Variants in KDM3A observed in about 807,000 individuals in gnomAD.
KDM3A encodes lysine-specific demethylase 3A.
A neutral mutation model predicts 158.0 loss-of-function variants in KDM3A; 60 were observed. The observed-to-expected ratio is 0.38, with a 90% CI of 0.31 to 0.47. KDM3A has a LOEUF of 0.47. KDM3A is among the 20% of genes least tolerant of loss of function. The pLI is 0.99. For missense variants in KDM3A, 1,319 were observed against 1,574.3 expected, an observed-to-expected ratio of 0.84 and a Z score of 2.74; for synonymous variants, 608 against 549.3, an observed-to-expected ratio of 1.11 and a Z score of -1.49.
chr2:86,472,064 A>G (rs546673249), intron 11 of KDM3A, among the ~76,000 whole-genome samples: 7 of 152,248 alleles, frequency 4.6e-5, no homozygotes, highest in African/African-American at 1.7e-4. Flanking sequence ...TATGAAAAAT[A>G]TAACTAGATT....
chr2:86,438,088 A>G (rs1352134069), upstream of KDM3A, among the ~76,000 whole-genome samples: 1 of 152,138 alleles, frequency 6.6e-6, no homozygotes, highest in Non-Finnish European at 1.5e-5. Context: ...TTTCACAATT[A>G]AGTACAATGT....
At chr2:86,452,173 TATTTAGTGCTGC>T (rs1672498930) in intron 4 of KDM3A, among the ~76,000 whole-genome samples, 1 of 150,824 alleles carries the variant, frequency 6.6e-6, no homozygotes, top group African/African-American at 2.4e-5. Flanking sequence ...TTTTGCAGTC[TATTTAGTGCTGC>T]ATTTTTGTGC....
At position 86,482,494 on chromosome 2, in the gene KDM3A, G is replaced by A. The variant is rs1673980929; in HGVS notation, c.2722G>A (p.Asp908Asn). ...ACTCAAGAATACACCAAAAATCCTT[G>A]ATGACATCTTTGCCTCTTTGGTGCA... ...NGLKNTPKIL[D>N]DIFASLVQNK... Residue 908 changes from aspartate to asparagine, a missense_variant, in exon 18 of 26, where the codon GAT (aspartate) becomes AAT (asparagine). By Grantham distance (23) the Asp-to-Asn change is conservative. Around this residue, in one of 4 missense-constraint regions of KDM3A, gnomAD observed 368 missense variants for 415.8 expected, o/e 0.89. Transcript: ENST00000312912. 3 of 1,614,100 alleles carry A rather than the reference G, an allele frequency of 1.9e-6. No homozygotes were observed. The highest frequency in any genetic ancestry group is 2.5e-6 in the Non-Finnish European group (3 of 1,180,006).
chr2:86,446,808 G>T (rs1008955158), intron 2 of KDM3A, among the ~76,000 whole-genome samples: 5 of 152,194 alleles, frequency 3.3e-5, no homozygotes, highest in Non-Finnish European at 5.9e-5. Context: ...AGGCACAAAT[G>T]AAAGATGCTT....
intron 10 of KDM3A, 52 bp downstream of exon 10, chr2:86,466,935 A>G: frequency 7.4e-7 from 1 of 1,356,444 alleles, no homozygotes; most frequent in Non-Finnish European, 1.0e-6. Context: ...TGGTAGATAT[A>G]TATATCTCTT....
At chr2:86,460,308 C>T (rs1043992110) in intron 8 of KDM3A, among the ~76,000 whole-genome samples, 4 of 152,064 alleles carry the variant, frequency 2.6e-5, no homozygotes, top group African/African-American at 4.8e-5. Context: ...TATTCCATAT[C>T]GGTAAATGTC....
At position 86,457,233 on chromosome 2, in the gene KDM3A, G is replaced by A. The variant is rs538997635; in HGVS notation, c.843+162G>A. Among the ~76,000 whole-genome samples the A allele has an allele frequency of 4.6e-5, 7 of 152,198 alleles. No individual in the cohort carries two copies. In the East Asian group the frequency reaches 1.4e-3, roughly 29 times the overall value. ...TGCAGTGGTGCAACCAGAGCTTACTGCAGCCTTGAACTCCTGCCTCCATAG... is the reference window on the plus strand; with the variant it reads ...TGCAGTGGTGCAACCAGAGCTTACTACAGCCTTGAACTCCTGCCTCCATAG... On this transcript the variant is annotated intron_variant, in intron 8 of 25. Transcript: ENST00000312912.
In KDM3A at chr2:86,449,980, T is replaced by C. The variant is rs768124454; in HGVS notation, c.342+18T>C. Reference sequence around the variant, plus strand: ...CTGCAATAGTGAGTAAAACTTGGGCTTATTGAACTCCTGAGAAGAGGGCAT... The same window carrying C: ...CTGCAATAGTGAGTAAAACTTGGGCCTATTGAACTCCTGAGAAGAGGGCAT... On this transcript the variant is annotated intron_variant, in intron 3 of 25. Coordinates refer to ENST00000312912, the MANE Select transcript of KDM3A (RefSeq NM_018433.6). The C allele has an allele frequency of 1.2e-6, 2 of 1,601,396 alleles. No individual in the cohort carries two copies. The highest frequency in any genetic ancestry group is 2.2e-5 in the East Asian group (1 of 44,536).
chr2:86,487,212 C>G (rs1674222029), intron 21 of KDM3A: 1 of 152,212 alleles, frequency 6.6e-6, no homozygotes, highest in South Asian at 2.1e-4. Context: ...CGTGGTTTAA[C>G]TAGCTTGGCA....
intron 2 of KDM3A, among the ~76,000 whole-genome samples, chr2:86,444,648 TG>T (rs1342573007): frequency 1.6e-5 from 1 of 64,346 alleles, no homozygotes; most frequent in Admixed American, 2.1e-4. Context: ...ATTAAGTTTT[TG>T]GGGGGTGAGA....
Position 86,485,715 on chromosome 2 carries a change from T to A in KDM3A, c.3183-14T>A, listed in dbSNP as rs2104707585. On this transcript the variant is annotated splice_polypyrimidine_tract_variant and intron_variant, in intron 20 of 25. Transcript: ENST00000312912. ...GCAATCTAACTTTGCAAATTCCTGG[T>A]TCTGTTGTTCTAGGTTTGATGATCT... 6.2e-7 allele frequency: 1 copy of A among 1,611,202 alleles called. No individual in the cohort carries two copies. The highest frequency in any genetic ancestry group is 1.1e-5 in the South Asian group (1 of 91,012).
chr2:86,482,874 A>C (rs2104702070), intron 18 of KDM3A, 180 bp downstream of exon 18: 1 of 631,824 alleles, frequency 1.6e-6, no homozygotes, highest in South Asian at 2.0e-5. Flanking sequence ...TTTAAAGCAG[A>C]TGGTCCTAAG....
chr2:86,447,472 C>A (rs1300119771), intron 2 of KDM3A, among the ~76,000 whole-genome samples: 1 of 133,206 alleles, frequency 7.5e-6, no homozygotes, highest in Non-Finnish European at 1.5e-5. Context: ...TTTTTTTTTG[C>A]TGAATAGATA....
At chr2:86,481,557 CTCTT>C (rs1195179446) in intron 16 of KDM3A, among the ~76,000 whole-genome samples, 10 of 151,380 alleles carry the variant, frequency 6.6e-5, no homozygotes, top group Admixed American at 6.6e-4. Flanking sequence ...TCTGTTTTCA[CTCTT>C]TATTAAGCAT....
At chr2:86,467,512 T>TA (rs1673205181) in intron 10 of KDM3A, 1 of 152,204 alleles carries the variant, frequency 6.6e-6, no homozygotes, top group African/African-American at 2.4e-5. Context: ...ACCCACAATT[T>TA]AAAACTACTC....
At chr2:86,484,833 C>T in intron 19 of KDM3A, 109 bp from the exon 20 acceptor site, 2 of 588,744 alleles carry the variant, frequency 3.4e-6, no homozygotes, top group Non-Finnish European at 6.0e-6. Flanking sequence ...GAAAATTTTG[C>T]AGAGACATAT....
chr2:86,478,779 A>G, intron 15 of KDM3A, 44 bp downstream of exon 15: 1 of 1,588,856 alleles, frequency 6.3e-7, no homozygotes, highest in East Asian at 2.2e-5. Flanking sequence ...TGTAATTGTC[A>G]TTTGTCTGTT....
intron 25 of KDM3A, chr2:86,491,638 G>C (rs1448876587): frequency 6.5e-6 from 2 of 306,364 alleles, no homozygotes; most frequent in Non-Finnish European, 6.1e-6. Flanking sequence ...AGGTAGAGCA[G>C]AACTGAATCT....
intron 10 of KDM3A, among the ~76,000 whole-genome samples, 172 bp downstream of exon 10, chr2:86,467,055 T>C (rs550216970): frequency 6.6e-6 from 1 of 152,332 alleles, no homozygotes; most frequent in South Asian, 2.1e-4. Context: ...TTACTGTTAA[T>C]ATTTTGGTGT....
Sources: allele counts gnomAD v4.1 joint callset (sites outside exome capture counted in the v4.1 genomes callset), GRCh38; gene constraint gnomAD v4.1.1; regional missense constraint gnomAD v4.1.1; transcripts MANE v1.5; gene names NCBI Gene and HGNC (gene_info 2026-07-23, HGNC 2026-07-21).